Variants in GPHN observed in about 807,000 individuals in gnomAD.
GPHN encodes gephyrin.
GPHN carries 17 observed loss-of-function variants against 95.5 expected under a neutral mutation model. That is an observed-to-expected ratio of 0.18 (90% CI 0.12 to 0.27). The LOEUF is 0.27. GPHN is among the 10% of genes least tolerant of loss of function. The pLI is 1.00. For synonymous variants in GPHN, 320 were observed against 322.5 expected (o/e 0.99, Z 0.08); for missense variants, 660 against 978.1 (o/e 0.67, Z 4.34).
the GPHN span, chr14:67,646,708 T>C: frequency 6.2e-7 from 1 of 1,613,896 alleles, no homozygotes; most frequent in Non-Finnish European, 8.5e-7. Context: ...ATTGTGTATA[T>C]TGGTCTGAGA....
chr14:66,848,539 T>C (rs1252051895), intron 4 of GPHN, among the ~76,000 whole-genome samples: 1 of 152,092 alleles, frequency 6.6e-6, no homozygotes, highest in Non-Finnish European at 1.5e-5. Flanking sequence ...GGTTTTCAAA[T>C]TTCTCGTTAC....
At chr14:66,964,369 A>G (rs1270354336) in intron 8 of GPHN, among the ~76,000 whole-genome samples, 2 of 152,196 alleles carry the variant, frequency 1.3e-5, no homozygotes, top group African/African-American at 2.4e-5. Context: ...GGAAGTAGCA[A>G]TTCAAAAGGT....
At chr14:66,676,672 A>ATTTTTTTT (rs56906168) in intron 1 of GPHN, among the ~76,000 whole-genome samples, 4 of 126,056 alleles carry the variant, frequency 3.2e-5, no homozygotes, top group Non-Finnish European at 5.0e-5. Context: ...ATCGTAGTGT[A>ATTTTTTTT]TTTTTTTTTT....
chr14:67,441,312 G>A, the GPHN span, among the ~76,000 whole-genome samples: 1 of 152,284 alleles, frequency 6.6e-6, no homozygotes, highest in South Asian at 2.1e-4. Flanking sequence ...CAGGAATGAA[G>A]ATGATTTGTG....
chr14:67,360,592 C>G, the GPHN span: 1 of 178,112 alleles, frequency 5.6e-6, no homozygotes, highest in Admixed American at 6.3e-5. Context: ...TGGACAGCAC[C>G]GCCACCACCC....
At chr14:67,645,509 C>A in the GPHN span, 4 of 962,088 alleles carry the variant, frequency 4.2e-6, no homozygotes, top group Non-Finnish European at 6.0e-6. Context: ...GGTCTTGCCT[C>A]ACCCAAACCC....
At chr14:67,639,270 T>C in the GPHN span, among the ~76,000 whole-genome samples, 2 of 152,208 alleles carry the variant, frequency 1.3e-5, no homozygotes, top group Admixed American at 1.3e-4. Context: ...TGGACTTGGG[T>C]AGTCCCAAAG....
At chr14:66,598,982 C>G (rs1428890447) in intron 1 of GPHN, among the ~76,000 whole-genome samples, 1 of 152,010 alleles carries the variant, frequency 6.6e-6, no homozygotes, top group African/African-American at 2.4e-5. Context: ...TTTTTTTATA[C>G]GTTGTGCATA....
the GPHN span, chr14:67,221,663 C>T: frequency 2.0e-6 from 3 of 1,491,422 alleles, no homozygotes; most frequent in Admixed American, 2.1e-5. Flanking sequence ...AAACGTGTTT[C>T]ATTACTACCC....
chr14:66,687,672 A>G (rs952028339), intron 2 of GPHN, among the ~76,000 whole-genome samples: 3 of 151,830 alleles, frequency 2.0e-5, no homozygotes, highest in East Asian at 1.9e-4. Flanking sequence ...TGTTTTTAGT[A>G]GAGACAGGGT....
At chr14:67,585,593 A>G in the GPHN span, 1 of 1,584,834 alleles carries the variant, frequency 6.3e-7, no homozygotes, top group Non-Finnish European at 8.6e-7. Context: ...TCCAAGGAGA[A>G]CGCTCTGGTG....
At chr14:67,253,134 A>G in the GPHN span, among the ~76,000 whole-genome samples, 3 of 152,254 alleles carry the variant, frequency 2.0e-5, no homozygotes, top group Admixed American at 6.5e-5. Context: ...GTGTGTGACA[A>G]TGAACAGGTT....
At chr14:66,852,507 T>A (rs1042407307) in intron 4 of GPHN, among the ~76,000 whole-genome samples, 1 of 152,196 alleles carries the variant, frequency 6.6e-6, no homozygotes, top group African/African-American at 2.4e-5. Context: ...AAGAAAAGTG[T>A]CTTAAGCAGA....
At chr14:67,243,617 C>T in the GPHN span, among the ~76,000 whole-genome samples, 4 of 151,674 alleles carry the variant, frequency 2.6e-5, no homozygotes, top group South Asian at 6.3e-4. Flanking sequence ...CTCAGCCTCC[C>T]GAGTAGTTGG....
chr14:67,232,002 G>T, the GPHN span, among the ~76,000 whole-genome samples: 1 of 151,474 alleles, frequency 6.6e-6, no homozygotes, highest in African/African-American at 2.4e-5. Context: ...ATGATAATTT[G>T]TGTCTATAGT....
At chr14:66,948,426 T>C (rs1333704017) in intron 8 of GPHN, among the ~76,000 whole-genome samples, 1 of 152,208 alleles carries the variant, frequency 6.6e-6, no homozygotes, top group Non-Finnish European at 1.5e-5. Context: ...TTGTAGATTT[T>C]TGTATTATGA....
chr14:67,618,343 G>T, the GPHN span, among the ~76,000 whole-genome samples: 32 of 151,914 alleles, frequency 2.1e-4, no homozygotes, highest in Non-Finnish European at 4.1e-4. Flanking sequence ...CCCATAGCAG[G>T]TGCTCAAGAA....
chr14:66,810,069 C>T (rs1352526016), intron 3 of GPHN, among the ~76,000 whole-genome samples: 3 of 151,920 alleles, frequency 2.0e-5, no homozygotes, highest in Non-Finnish European at 4.4e-5. Context: ...TATTGTTCCT[C>T]TTACTAATTA....
At chr14:67,006,356 G>A (rs942113996) in intron 9 of GPHN, among the ~76,000 whole-genome samples, 16 of 152,000 alleles carry the variant, frequency 1.1e-4, no homozygotes, top group African/African-American at 3.6e-4. Flanking sequence ...ATACCATTCT[G>A]CACCCAGTAT....
Sources: allele counts gnomAD v4.1 joint callset (sites outside exome capture counted in the v4.1 genomes callset), GRCh38; gene constraint gnomAD v4.1.1; transcripts MANE v1.5; gene names NCBI Gene and HGNC (gene_info 2026-07-23, HGNC 2026-07-21).